Variants in LRRC4C observed in about 807,000 individuals in gnomAD.
LRRC4C encodes leucine-rich repeat-containing protein 4C.
Under a neutral mutation model 33.6 loss-of-function variants are expected in LRRC4C, and 5 were observed. That is an observed-to-expected ratio of 0.15 (90% confidence interval 0.08 to 0.31). LRRC4C has a LOEUF of 0.31. Ranked by LOEUF, LRRC4C falls within the 10% of genes least tolerant of loss-of-function variation. The pLI, the probability that LRRC4C is intolerant of heterozygous loss-of-function variation, is 1.00. For synonymous variants in LRRC4C, 329 were observed against 302.0 expected, an observed-to-expected ratio of 1.09 and a Z score of -0.93; for missense variants, 560 against 796.7, an observed-to-expected ratio of 0.70 and a Z score of 3.58.
intron 3 of LRRC4C, among the ~76,000 whole-genome samples, chr11:40,355,614 C>T (rs1324889713): frequency 6.6e-6 from 1 of 152,084 alleles, no homozygotes; most frequent in Non-Finnish European, 1.5e-5. Flanking sequence ...CACTGAGTTC[C>T]AATTAAGTTC....
At chr11:40,684,537 T>C (rs1944861051) in intron 2 of LRRC4C, among the ~76,000 whole-genome samples, 1 of 151,998 alleles carries the variant, frequency 6.6e-6, no homozygotes, top group African/African-American at 2.4e-5. Context: ...AATGGGGATA[T>C]GCAAAAATCT....
At chr11:40,926,035 G>T (rs570325562) in intron 2 of LRRC4C, among the ~76,000 whole-genome samples, 45 of 151,200 alleles carry the variant, frequency 3.0e-4, no homozygotes, top group Non-Finnish European at 6.0e-4. Context: ...CTGCTAAAAG[G>T]TGTTTTTTTT....
At chr11:41,385,562 G>A (rs1953329074) in intron 1 of LRRC4C, among the ~76,000 whole-genome samples, 1 of 151,596 alleles carries the variant, frequency 6.6e-6, no homozygotes, top group Non-Finnish European at 1.5e-5. Context: ...GATTATTTAA[G>A]ACTTAATGAT....
At chr11:41,456,848 G>A (rs1367821484) in intron 1 of LRRC4C, among the ~76,000 whole-genome samples, 1 of 152,088 alleles carries the variant, frequency 6.6e-6, no homozygotes, top group African/African-American at 2.4e-5. Flanking sequence ...ATCAAAAGCT[G>A]TTTATCATTG....
At chr11:40,234,602 C>T (rs1865430633) in intron 5 of LRRC4C, among the ~76,000 whole-genome samples, 1 of 152,114 alleles carries the variant, frequency 6.6e-6, no homozygotes. Context: ...GACCCCATCT[C>T]TACCAAAAAA....
At chr11:40,510,273 C>T (rs776107920) in intron 3 of LRRC4C, among the ~76,000 whole-genome samples, 12 of 150,430 alleles carry the variant, frequency 8.0e-5, no homozygotes, top group Admixed American at 5.3e-4. Flanking sequence ...GAACTACTGA[C>T]CTAATATCCC....
At chr11:41,423,844 T>C (rs906078970) in intron 1 of LRRC4C, 1 of 152,034 alleles carries the variant, frequency 6.6e-6, no homozygotes, top group Non-Finnish European at 1.5e-5. Flanking sequence ...CAGCCACAGA[T>C]AGGGTCTCTG....
intron 1 of LRRC4C, among the ~76,000 whole-genome samples, chr11:41,146,161 G>T (rs568335859): frequency 1.3e-5 from 2 of 152,076 alleles, no homozygotes; most frequent in Non-Finnish European, 2.9e-5. Flanking sequence ...TCCAGCAAAG[G>T]GTGGCCTTGA....
At chr11:40,814,673 C>T (rs1951634465) in intron 2 of LRRC4C, among the ~76,000 whole-genome samples, 1 of 151,190 alleles carries the variant, frequency 6.6e-6, no homozygotes, top group Non-Finnish European at 1.5e-5. Context: ...TGCTTCATCT[C>T]GAATGCTTTG....
At chr11:40,254,136 G>A (rs1344465610) in intron 4 of LRRC4C, among the ~76,000 whole-genome samples, 1 of 152,186 alleles carries the variant, frequency 6.6e-6, no homozygotes, top group East Asian at 1.9e-4. Context: ...TCCTGGTTGT[G>A]TGCCCAGAAA....
At chr11:41,370,048 C>T (rs921846645) in intron 1 of LRRC4C, among the ~76,000 whole-genome samples, 7 of 152,230 alleles carry the variant, frequency 4.6e-5, no homozygotes, top group South Asian at 4.2e-4. Context: ...GTCACTAAAA[C>T]GGAAAAGCAT....
intron 1 of LRRC4C, among the ~76,000 whole-genome samples, chr11:41,268,643 A>T (rs2136812082): frequency 6.6e-6 from 1 of 152,232 alleles, no homozygotes; most frequent in African/African-American, 2.4e-5. Context: ...CATAATTACC[A>T]GTAATAAAAC....
intron 2 of LRRC4C, among the ~76,000 whole-genome samples, chr11:40,886,077 C>G (rs1193013837): frequency 6.6e-6 from 1 of 152,030 alleles, no homozygotes; most frequent in Non-Finnish European, 1.5e-5. Flanking sequence ...CTTCTGTAAA[C>G]TTGGATATTA....
At chr11:40,867,402 C>T (rs917454556) in intron 2 of LRRC4C, among the ~76,000 whole-genome samples, 1 of 152,218 alleles carries the variant, frequency 6.6e-6, no homozygotes, top group African/African-American at 2.4e-5. Flanking sequence ...TGCAATAATA[C>T]TGTCTCTGGA....
intron 4 of LRRC4C, among the ~76,000 whole-genome samples, chr11:40,307,649 A>T (rs896617): frequency 6.6e-6 from 1 of 151,656 alleles, no homozygotes; most frequent in Non-Finnish European, 1.5e-5. Context: ...CTGCATGAGA[A>T]TGAGATTCAT....
intron 1 of LRRC4C, among the ~76,000 whole-genome samples, chr11:41,060,375 C>G (rs1231753809): frequency 2.6e-5 from 4 of 152,182 alleles, no homozygotes; most frequent in Non-Finnish European, 1.5e-5. Flanking sequence ...CACAGACTGT[C>G]TAGCTTAAAT....
chr11:40,916,697 T>TA (rs1311837734), intron 2 of LRRC4C, among the ~76,000 whole-genome samples: 59 of 148,536 alleles, frequency 4.0e-4, no homozygotes, highest in African/African-American at 1.1e-3. Flanking sequence ...TAAAGTATAA[T>TA]AAAAATAAAT....
chr11:41,227,650 T>C (rs1471784299), intron 1 of LRRC4C, among the ~76,000 whole-genome samples: 1 of 152,020 alleles, frequency 6.6e-6, no homozygotes, highest in Non-Finnish European at 1.5e-5. Context: ...TAGCCACGTG[T>C]CTCTACCCTG....
chr11:41,402,185 T>C (rs1954051504), intron 1 of LRRC4C, among the ~76,000 whole-genome samples: 3 of 151,844 alleles, frequency 2.0e-5, no homozygotes, highest in Admixed American at 2.0e-4. Flanking sequence ...AAGAAGAGAG[T>C]TCATCTCATT....
Sources: allele counts gnomAD v4.1 joint callset (sites outside exome capture counted in the v4.1 genomes callset), GRCh38; gene constraint gnomAD v4.1.1; transcripts MANE v1.5; gene names NCBI Gene and HGNC (gene_info 2026-07-23, HGNC 2026-07-21).